Variants in SPTBN2 observed in about 807,000 individuals in gnomAD.
SPTBN2 encodes the protein spectrin beta chain, non-erythrocytic 2.
Under a neutral mutation model 284.2 loss-of-function variants are expected in SPTBN2, and 107 were observed. That is an observed-to-expected ratio of 0.38 (90% confidence interval 0.32 to 0.44). The LOEUF is 0.44. SPTBN2 is among the 20% of genes least tolerant of loss of function. The probability of loss-of-function intolerance (pLI) is 1.00; values close to 1 mark genes in which losing one functional copy is unlikely to be tolerated. For missense variants in SPTBN2, 2,569 were observed against 3,287.1 expected (o/e 0.78, Z 5.34); for synonymous variants, 1,289 against 1,354.8 (o/e 0.95, Z 1.07).
intron 15 of SPTBN2, 135 bp from the exon 16 acceptor site, chr11:66,701,856 C>CA: frequency 7.9e-7 from 1 of 1,262,840 alleles, no homozygotes; most frequent in Non-Finnish European, 1.1e-6. Context: ...CTCTCTGCCT[C>CA]TCAGCCTATG....
chr11:66,689,743 C>T (rs931390790), intron 29 of SPTBN2, 62 bp downstream of exon 29: 1 of 1,606,054 alleles, frequency 6.2e-7, no homozygotes, highest in Non-Finnish European at 8.5e-7. Flanking sequence ...CAGAAAGCCA[C>T]CAAGAAGTCA....
In SPTBN2 at chr11:66,682,823, C is replaced by T. The variant is rs2135263976; in HGVS notation, c.*3048G>A. Among the ~76,000 whole-genome samples, 2 of 151,970 alleles carry T rather than the reference C, an allele frequency of 1.3e-5. No individual in the cohort carries two copies. Among genetic ancestry groups the T allele is most frequent in the East Asian group, 3.9e-4 (2 of 5,178 alleles). Reference sequence around the variant, plus strand: ...TATTGCCTAGACTGGAGTGCAGTGGCATGATCTCGGCTCACTGTAACCTCT... The same window carrying T: ...TATTGCCTAGACTGGAGTGCAGTGGTATGATCTCGGCTCACTGTAACCTCT... On this transcript the variant is annotated 3_prime_UTR_variant, in exon 38 of 38. Coordinates refer to ENST00000533211, the MANE Select transcript of SPTBN2 (RefSeq NM_006946.4).
In SPTBN2 at chr11:66,691,688, G is replaced by A. The variant is rs373930393; in HGVS notation, c.5191-30C>T. Reference sequence around the variant, plus strand: ...TAGAGGAAGCAGATGGACAGACCATGCCGTGATGTTAGGGGATGTGGTCCC... The same window carrying A: ...TAGAGGAAGCAGATGGACAGACCATACCGTGATGTTAGGGGATGTGGTCCC... On this transcript the variant is annotated intron_variant, in intron 26 of 37. Coordinates refer to ENST00000533211, the MANE Select transcript of SPTBN2 (RefSeq NM_006946.4). This position sits in a 1 kb window ranked among gnomAD's most constrained non-coding sequence, Gnocchi z 8.0. 2.5e-6 allele frequency: 4 copies of A among 1,612,716 alleles called. No homozygotes were observed. The highest frequency in any genetic ancestry group is 1.3e-5 in the African/African-American group (1 of 75,058).
Position 66,690,815 on chromosome 11 carries a change from G to A in SPTBN2, c.5565+469C>T, listed in dbSNP as rs370344799. Among the ~76,000 whole-genome samples, 10 of 152,170 alleles carry A rather than the reference G, an allele frequency of 6.6e-5. No homozygotes were observed. The East Asian group carries it at 1.7e-3, about 26-fold the overall frequency. Reference sequence around the variant, plus strand: ...TGCAGTGGCTAGATGTCCCCTGCCAGAGATGTTTTCTTTCTTTTTGAGACG... The same window carrying A: ...TGCAGTGGCTAGATGTCCCCTGCCAAAGATGTTTTCTTTCTTTTTGAGACG... On this transcript the variant is annotated intron_variant, in intron 27 of 37. Transcript: ENST00000533211.
intron 26 of SPTBN2, 47 bp downstream of exon 26, chr11:66,692,489 C>A (rs1236512847): frequency 6.3e-7 from 1 of 1,595,282 alleles, no homozygotes; most frequent in Non-Finnish European, 8.5e-7. Flanking sequence ...GTGGGTCCTC[C>A]ACTCTTCCCA....
rs1941687038 is a variant in SPTBN2, at chr11:66,708,481, G to A, written c.1192-182C>T. On this transcript the variant is annotated intron_variant, in intron 11 of 37. Transcript: ENST00000533211. This position sits in a 1 kb window ranked among gnomAD's most constrained non-coding sequence, Gnocchi z 4.4. ...TGGGAGTCTGTGAAGCCATGTAGAA[G>A]CTTCTGGAAAAGGACTGGAGGGAGC... is the stretch of plus-strand genomic sequence containing the variant. Among the ~76,000 whole-genome samples the A allele has an allele frequency of 6.6e-6, 1 of 152,250 alleles. No homozygotes were observed. Among genetic ancestry groups the A allele is most frequent in the Admixed American group, 6.5e-5 (1 of 15,290 alleles).
At chr11:66,697,224 C>A (rs1272932090) in intron 20 of SPTBN2, among the ~76,000 whole-genome samples, 1 of 152,196 alleles carries the variant, frequency 6.6e-6, no homozygotes, top group Admixed American at 6.5e-5. Context: ...TGTCCCTTCT[C>A]ATGGCTCCAC....
In SPTBN2 at chr11:66,689,162, G is replaced by A. The variant is rs1289861297; in HGVS notation, c.5968C>T (p.Gln1990Ter). The change falls in exon 30 of 38, where the codon CAG becomes TAG. Residue 1990 changes from glutamine to a stop codon, truncating the protein, a stop_gained. Coordinates refer to ENST00000533211, the MANE Select transcript of SPTBN2 (RefSeq NM_006946.4). LOFTEE classifies it high-confidence loss of function. ...AAEEISEKLSQLQARRQETAE... is the reference protein window; with the variant it reads ...AAEEISEKLS Reference sequence around the variant, plus strand: ...GTCTCCTGGCGCCGTGCCTGCAGCTGAGACAGCTTCTCTGAGATCTGGGGG... The same window carrying A: ...GTCTCCTGGCGCCGTGCCTGCAGCTAAGACAGCTTCTCTGAGATCTGGGGG... 6.2e-7 allele frequency: 1 copy of A among 1,608,556 alleles called. No individual in the cohort carries two copies. Among genetic ancestry groups the A allele is most frequent in the Non-Finnish European group, 8.5e-7 (1 of 1,177,086 alleles).
chr11:66,694,711 C>T (rs953880607), intron 21 of SPTBN2, among the ~76,000 whole-genome samples: 1 of 152,236 alleles, frequency 6.6e-6, no homozygotes, highest in Non-Finnish European at 1.5e-5. Context: ...AGTGTGATAA[C>T]TGTGCCCATT....
intron 1 of SPTBN2, among the ~76,000 whole-genome samples, chr11:66,742,082 A>G (rs1942899385): frequency 6.6e-6 from 1 of 152,176 alleles, no homozygotes; most frequent in Non-Finnish European, 1.5e-5. Context: ...TTGGCCTCCC[A>G]AAGTGCTGGA....
rs2135409201 is a variant in SPTBN2 at position 66,700,381 on chromosome 11, T to G, written c.3573+145A>C. On this transcript the variant is annotated intron_variant, in intron 17 of 37. Coordinates refer to ENST00000533211, the MANE Select transcript of SPTBN2 (RefSeq NM_006946.4). The surrounding 1 kb of genome is among the most constrained non-coding windows in gnomAD (Gnocchi z 6.6). The stretch of plus-strand genomic sequence containing the variant: ...CTCAAGTGATCCTCCTACTTTGGCC[T>G]CCCAAAGTGCTGGAATTTCAGGTGT... The G allele has an allele frequency of 8.4e-7, 1 of 1,192,732 alleles. No homozygotes were observed. The highest frequency in any genetic ancestry group is 2.5e-5 in the East Asian group (1 of 40,214). The allele number at this position is 1,192,732 out of a possible 1,614,324, so 73.9% of individuals were successfully genotyped here.
intron 3 of SPTBN2, among the ~76,000 whole-genome samples, chr11:66,719,528 T>C (rs940643725): frequency 2.6e-5 from 4 of 152,230 alleles, no homozygotes; most frequent in African/African-American, 9.6e-5. Flanking sequence ...GTGGTGGAGA[T>C]AAACACCCAA....
At chr11:66,704,541 T>TG in intron 15 of SPTBN2, 57 bp downstream of exon 15, 1 of 1,569,500 alleles carries the variant, frequency 6.4e-7, no homozygotes, top group Non-Finnish European at 8.7e-7. Flanking sequence ...ACCCACATCC[T>TG]GGCCCCCCCA....
Position 66,686,103 on chromosome 11 carries a change from G to T in SPTBN2, c.6941C>A (p.Ala2314Glu), listed in dbSNP as rs1447915820. 6.2e-7 allele frequency: 1 copy of T among 1,612,172 alleles called. No homozygotes were observed. The highest frequency in any genetic ancestry group is 8.5e-7 in the Non-Finnish European group (1 of 1,179,144). ...CACCCGTAGCCACGAGCTCATCTCT[G>T]CCTGTGGATGGAAAGACCCTCAATC... ...KEYLFQAKDE[A>E]EMSSWLRVVN... Residue 2314 changes from alanine to glutamate, a missense_variant and splice_region_variant, in exon 38 of 38, where the codon GCA becomes GAA. Ala to Glu is a moderately radical substitution (Grantham distance 107). This residue lies in a region of SPTBN2 where 1,130 missense variants were observed against 1,317.3 expected (regional missense o/e 0.86). Transcript: ENST00000533211.
intron 15 of SPTBN2, among the ~76,000 whole-genome samples, chr11:66,702,213 CTGGAG>C (rs1460655742): frequency 6.6e-6 from 1 of 152,244 alleles, no homozygotes; most frequent in Non-Finnish European, 1.5e-5. Flanking sequence ...GTCACCCAGG[CTGGAG>C]TGTAGTGGTG....
rs542987979 is a variant in SPTBN2 at position 66,687,973 on chromosome 11, C to T, written c.6450+31G>A. 103 of 1,614,140 alleles carry T rather than the reference C, an allele frequency of 6.4e-5. 1 individual carries two copies. In the Admixed American group the frequency reaches 1.1e-3, roughly 18 times the overall value. The stretch of plus-strand genomic sequence containing the variant: ...TGCGGGGGTGGAGGGGCTACGACTC[C>T]GATGGGGGCACAGAGGGACAGTGGG... On this transcript the variant is annotated intron_variant, in intron 33 of 37. Transcript: ENST00000533211. The surrounding 1 kb of genome is among the most constrained non-coding windows in gnomAD (Gnocchi z 5.2).
At chr11:66,719,899 G>A (rs754464847) in intron 3 of SPTBN2, among the ~76,000 whole-genome samples, 30 of 152,192 alleles carry the variant, frequency 2.0e-4, no homozygotes, top group Non-Finnish European at 3.4e-4. Flanking sequence ...TGGTAGGAGT[G>A]TTTCACAGCC....
In SPTBN2 at chr11:66,718,203, C is replaced by T. The variant is rs1942231781; in HGVS notation, c.158-2222G>A. ...CCCCAAGGCCCGGCAGTCACACCCACCCATGCCATCATACACGGTCCCTGC... is the reference window on the plus strand; with the variant it reads ...CCCCAAGGCCCGGCAGTCACACCCATCCATGCCATCATACACGGTCCCTGC... On this transcript the variant is annotated intron_variant, in intron 3 of 37. Coordinates refer to ENST00000533211, the MANE Select transcript of SPTBN2 (RefSeq NM_006946.4). This position sits in a 1 kb window ranked among gnomAD's most constrained non-coding sequence, Gnocchi z 4.8. 6.6e-6 allele frequency among the ~76,000 whole-genome samples: 1 copy of T among 152,246 alleles called. No homozygotes were observed. Among genetic ancestry groups the T allele is most frequent in the Admixed American group, 6.5e-5 (1 of 15,288 alleles).
intron 20 of SPTBN2, 63 bp from the exon 21 acceptor site, chr11:66,696,603 C>A: frequency 1.3e-6 from 2 of 1,599,858 alleles, no homozygotes; most frequent in South Asian, 1.1e-5. Flanking sequence ...AGGCTGAGAG[C>A]AGACCAGGGG....
Sources: gnomAD v4.1 joint callset for allele counts (sites outside exome capture counted in the v4.1 genomes callset) on GRCh38, gnomAD v4.1.1 for gene constraint, gnomAD v4.1.1 regional missense constraint, Gnocchi (gnomAD v3.1) non-coding constraint, MANE v1.5 for transcripts, NCBI Gene and HGNC (gene_info 2026-07-23, HGNC 2026-07-21) for gene names.